The following BAZ2B variants were observed in gnomAD, a reference collection of about 807,000 sequenced individuals.
BAZ2B encodes the protein bromodomain adjacent to zinc finger domain protein 2B.
BAZ2B carries 91 observed loss-of-function variants against 246.0 expected under a neutral mutation model. The observed-to-expected ratio is 0.37, with a 90% CI of 0.31 to 0.44. BAZ2B has a LOEUF of 0.44. Ranked by LOEUF, BAZ2B falls within the 20% of genes least tolerant of loss-of-function variation. The probability of loss-of-function intolerance (pLI) is 1.00; values close to 1 mark genes in which losing one functional copy is unlikely to be tolerated. For synonymous variants in BAZ2B, 855 were observed against 860.0 expected (o/e 0.99, Z 0.10); for missense variants, 2,332 against 2,533.7 (o/e 0.92, Z 1.71).
intron 2 of BAZ2B, among the ~76,000 whole-genome samples, chr2:159,525,959 A>G (rs2084685013): frequency 6.6e-6 from 1 of 152,190 alleles, no homozygotes; most frequent in Non-Finnish European, 1.5e-5. Flanking sequence ...TGAAGCAGGA[A>G]GAAGTTTACA....
chr2:159,695,997 G>A, the BAZ2B span, among the ~76,000 whole-genome samples: 1 of 152,018 alleles, frequency 6.6e-6, no homozygotes. Context: ...TTGACCTCAA[G>A]CGATCCCCAA....
At chr2:159,385,112 T>C (rs779288821) in intron 23 of BAZ2B, 43 bp downstream of exon 23, 1 of 1,551,982 alleles carries the variant, frequency 6.4e-7, no homozygotes, top group Admixed American at 1.7e-5. Flanking sequence ...ATTAGAAAAA[T>C]TCAAAATGGA....
the BAZ2B span, among the ~76,000 whole-genome samples, chr2:159,685,438 A>T: frequency 3.3e-5 from 5 of 152,230 alleles, no homozygotes; most frequent in Non-Finnish European, 7.3e-5. Flanking sequence ...TAAAGAAAAC[A>T]TGTACAAACT....
chr2:159,662,875 A>C, the BAZ2B span, among the ~76,000 whole-genome samples: 4 of 152,196 alleles, frequency 2.6e-5, no homozygotes, highest in African/African-American at 9.6e-5. Context: ...GTTGTGAATT[A>C]GTATCTTATT....
intron 16 of BAZ2B, among the ~76,000 whole-genome samples, chr2:159,401,147 G>C (rs2064998977): frequency 6.6e-6 from 1 of 152,178 alleles, no homozygotes; most frequent in Admixed American, 6.5e-5. Flanking sequence ...AATATGATTT[G>C]ATAAGGTTTC....
chr2:159,374,080 T>C (rs1576269456), intron 26 of BAZ2B, among the ~76,000 whole-genome samples: 1 of 149,252 alleles, frequency 6.7e-6, no homozygotes, highest in Admixed American at 6.6e-5. Context: ...TTTTTTCTTT[T>C]TTTTTTTTTT....
intron 2 of BAZ2B, among the ~76,000 whole-genome samples, chr2:159,553,688 C>A (rs1344525502): frequency 6.6e-6 from 1 of 151,948 alleles, no homozygotes; most frequent in African/African-American, 2.4e-5. Context: ...AAAAAAACAG[C>A]AATTCTCCTG....
the BAZ2B span, among the ~76,000 whole-genome samples, chr2:159,673,566 T>G: frequency 1.3e-5 from 2 of 152,200 alleles, no homozygotes; most frequent in Admixed American, 6.5e-5. Flanking sequence ...TGATGAATTG[T>G]AGCATTATTT....
chr2:159,512,441 G>A (rs556638892), intron 2 of BAZ2B, among the ~76,000 whole-genome samples: 3 of 152,090 alleles, frequency 2.0e-5, no homozygotes, highest in South Asian at 2.1e-4. Context: ...AATACCCAGC[G>A]GCATCTTAGA....
At chr2:159,639,107 T>C in the BAZ2B span, among the ~76,000 whole-genome samples, 2 of 151,848 alleles carry the variant, frequency 1.3e-5, no homozygotes, top group East Asian at 3.9e-4. Flanking sequence ...ATTTAAAGTG[T>C]TGGGAAAACA....
intron 2 of BAZ2B, among the ~76,000 whole-genome samples, chr2:159,539,670 G>A (rs2086422328): frequency 6.6e-6 from 1 of 152,194 alleles, no homozygotes; most frequent in African/African-American, 2.4e-5. Context: ...GAGCCCAGGA[G>A]TTCAAGACCA....
intron 2 of BAZ2B, among the ~76,000 whole-genome samples, chr2:159,553,536 T>C (rs917212620): frequency 1.3e-5 from 2 of 151,528 alleles, no homozygotes; most frequent in Non-Finnish European, 2.9e-5. Context: ...CATTTTCAAG[T>C]AGAGAAATAA....
chr2:159,448,150 C>T lies in BAZ2B; in HGVS notation c.502+92G>A, dbSNP rs965543528. 4 of 1,442,152 alleles carry T rather than the reference C, an allele frequency of 2.8e-6. No individual in the cohort carries two copies. The East Asian group carries it at 7.4e-5, about 27-fold the overall frequency. The allele number at this position is 1,442,152 out of a possible 1,614,324, so 89.3% of individuals were successfully genotyped here. The stretch of plus-strand genomic sequence containing the variant: ...ATTAAAACAAACAAACAAACAAAAA[C>T]AAAAAACAAAAAAAGGTATTAAACC... On this transcript the variant is annotated intron_variant, in intron 5 of 36. Coordinates refer to ENST00000392783, the MANE Select transcript of BAZ2B (RefSeq NM_013450.4).
intron 1 of BAZ2B, among the ~76,000 whole-genome samples, chr2:159,556,744 G>A (rs1048536969): frequency 6.6e-6 from 1 of 152,116 alleles, no homozygotes; most frequent in Non-Finnish European, 1.5e-5. Context: ...TTACAGGCAT[G>A]AGCCACCGGA....
intron 2 of BAZ2B, among the ~76,000 whole-genome samples, chr2:159,551,319 A>T (rs1485441729): frequency 1.3e-5 from 2 of 152,028 alleles, no homozygotes; most frequent in Non-Finnish European, 2.9e-5. Flanking sequence ...AATACAAAAA[A>T]TTAGCTGGGC....
chr2:159,421,608 C>A (rs1163504052), intron 13 of BAZ2B, among the ~76,000 whole-genome samples: 2 of 152,074 alleles, frequency 1.3e-5, no homozygotes, highest in African/African-American at 4.8e-5. Flanking sequence ...AGCTCACACA[C>A]CTCTCATCTT....
chr2:159,559,569 C>T (rs1294293799), intron 1 of BAZ2B, among the ~76,000 whole-genome samples: 1 of 152,106 alleles, frequency 6.6e-6, no homozygotes, highest in Admixed American at 6.5e-5. Context: ...TAAAAATATA[C>T]AGTTTACTTA....
intron 4 of BAZ2B, among the ~76,000 whole-genome samples, 185 bp downstream of exon 4, chr2:159,453,428 G>T (rs2150468250): frequency 6.6e-6 from 1 of 152,232 alleles, no homozygotes; most frequent in South Asian, 2.1e-4. Context: ...TAACTGCTCT[G>T]CCACCTAACA....
Position 159,405,812 on chromosome 2 carries a change from TA to T in BAZ2B, c.2678-699del, listed in dbSNP as rs542494546. Among the ~76,000 whole-genome samples, 860 of 146,784 alleles carry T rather than the reference TA, an allele frequency of 5.9e-3. 7 individuals are homozygous for T. The highest frequency in any genetic ancestry group is 0.02 in the African/African-American group (797 of 39,960). ...GTAATGTAGCTTCAGTCTTAACATA[TA>T]AAAAAAAAAGAAAGACTCTCAATTA... is the stretch of plus-strand genomic sequence containing the variant. On this transcript the variant is annotated intron_variant, in intron 14 of 36. Transcript: ENST00000392783.
Sources: allele counts gnomAD v4.1 joint callset (sites outside exome capture counted in the v4.1 genomes callset), GRCh38; gene constraint gnomAD v4.1.1; transcripts MANE v1.5; gene names NCBI Gene and HGNC (gene_info 2026-07-23, HGNC 2026-07-21).